VWF: variants seen among roughly 807,000 people sequenced by gnomAD.
The protein encoded by VWF is von Willebrand factor.
In VWF, 176 loss-of-function variants were observed where a neutral mutation model predicts 308.6. The observed-to-expected ratio is 0.57, with a 90% CI of 0.50 to 0.65. The LOEUF is 0.65. VWF is among the 30% of genes least tolerant of loss of function. The pLI is 0.00. For missense variants in VWF, 3,146 were observed against 3,648.2 expected (o/e 0.86, Z 3.55); for synonymous variants, 1,385 against 1,443.4 (o/e 0.96, Z 0.92).
chr12:6,076,064 G>A (rs1007213507), intron 6 of VWF, among the ~76,000 whole-genome samples: 3 of 151,968 alleles, frequency 2.0e-5, no homozygotes, highest in African/African-American at 7.2e-5. Flanking sequence ...ATGGGGATCA[G>A]CAAGATTTTT....
rs747934541 is a variant in VWF, at chr12:5,981,836, T to G, written c.7237A>C (p.Thr2413Pro). The change falls in exon 42 of 52, where the codon ACT becomes CCT. Residue 2413 changes from threonine (T) to proline (P), a missense_variant. Coordinates refer to ENST00000261405, the MANE Select transcript of VWF (RefSeq NM_000552.5). The part of the protein sequence containing the change: ...VSCPLGYLAS[T>P]ATNDCGCTTT... ...GTACAGCCACAGTCATTGGTGGCAG[T>G]TGAGGCCAAGTACCCAAGGGGACAG... 1 of 1,614,048 alleles carries G rather than the reference T, an allele frequency of 6.2e-7. No homozygotes were observed. Among genetic ancestry groups the G allele is most frequent in the Non-Finnish European group, 8.5e-7 (1 of 1,180,006 alleles).
At position 6,031,336 on chromosome 12, in the gene VWF, G is replaced by C. The variant is rs1479327056; in HGVS notation, c.2820+108C>G. 1.2e-5 allele frequency: 19 copies of C among 1,584,648 alleles called. No individual in the cohort carries two copies. The Middle Eastern group carries it at 5.1e-4, about 42-fold the overall frequency. ...CTCTGCCTCATCCTCTTTAATGGCTGTGCGTTATTCCATTCACACGAGCTC... is the reference window on the plus strand; with the variant it reads ...CTCTGCCTCATCCTCTTTAATGGCTCTGCGTTATTCCATTCACACGAGCTC... On this transcript the variant is annotated intron_variant, in intron 21 of 51. Coordinates refer to ENST00000261405, the MANE Select transcript of VWF (RefSeq NM_000552.5).
chr12:6,090,610 TCC>T (rs1945022652), intron 6 of VWF, among the ~76,000 whole-genome samples: 1 of 97,800 alleles, frequency 1.0e-5, no homozygotes, highest in Non-Finnish European at 2.0e-5. Context: ...CAACTCCTCC[TCC>T]TCCTCCTCCT....
intron 34 of VWF, among the ~76,000 whole-genome samples, chr12:5,999,503 C>CACACCA (rs1555193386): frequency 6.0e-4 from 90 of 149,408 alleles, no homozygotes; most frequent in African/African-American, 7.4e-4. Flanking sequence ...CACACACACA[C>CACACCA]CACTAAGGAA....
chr12:5,980,050 A>AG (rs1943579200), intron 42 of VWF, among the ~76,000 whole-genome samples: 1 of 149,394 alleles, frequency 6.7e-6, no homozygotes, highest in South Asian at 2.1e-4. Flanking sequence ...CAAAAAAAAA[A>AG]AAGAAGAACG....
chr12:6,098,990 C>A (rs1181716594), intron 5 of VWF, among the ~76,000 whole-genome samples: 1 of 150,680 alleles, frequency 6.6e-6, no homozygotes, highest in Non-Finnish European at 1.5e-5. Flanking sequence ...TGACAACACC[C>A]TCCATGAGAA....
At chr12:6,079,544 C>T (rs977831811) in intron 6 of VWF, among the ~76,000 whole-genome samples, 18 of 151,314 alleles carry the variant, frequency 1.2e-4, no homozygotes, top group Non-Finnish European at 2.1e-4. Flanking sequence ...CGGGAGGCAA[C>T]GCTTGCAGTG....
Position 6,120,555 on chromosome 12 carries a change from G to A in VWF, c.220+619C>T, listed in dbSNP as rs11064034. On this transcript the variant is annotated intron_variant, in intron 3 of 51. Transcript: ENST00000261405. Reference sequence around the variant, plus strand: ...TGACCTCAGGTGATCCACCCACCTTGGCCTCCCAAAGTACTGGGATTACAG... The same window carrying A: ...TGACCTCAGGTGATCCACCCACCTTAGCCTCCCAAAGTACTGGGATTACAG... Among the ~76,000 whole-genome samples, 2,742 of 152,156 alleles carry A rather than the reference G, an allele frequency of 0.018. 167 individuals are homozygous for A. In the East Asian group the frequency reaches 0.25, roughly 14 times the overall value.
At position 6,092,620 on chromosome 12, in the gene VWF, T is replaced by TGAGAGAGAGAGAGAGAGAGAGA. The variant is rs1250915385; in HGVS notation, c.657+2839_657+2840insTCTCTCTCTCTCTCTCTCTCTC. Among the ~76,000 whole-genome samples the TGAGAGAGAGAGAGAGAGAGAGA allele has an allele frequency of 6.5e-4, 58 of 89,670 alleles. 1 individual carries two copies. Among genetic ancestry groups the TGAGAGAGAGAGAGAGAGAGAGA allele is most frequent in the African/African-American group, 3.1e-3 (52 of 16,770 alleles). The allele number at this position is 89,670 out of a possible 152,430, so 58.8% of individuals were successfully genotyped here. ...CAGCTAGTTAGTGAGTGAGTGAGAG[T>TGAGAGAGAGAGAGAGAGAGAGA]GTGTGTGTGTGTGTGTGTGTGTGTG... On this transcript the variant is annotated intron_variant, in intron 6 of 51. Coordinates refer to ENST00000261405, the MANE Select transcript of VWF (RefSeq NM_000552.5).
rs142549052 is a variant in VWF, at chr12:6,060,772, G to A, written c.1533+2182C>T. On this transcript the variant is annotated intron_variant, in intron 13 of 51. Transcript: ENST00000261405. The surrounding 1 kb of genome is among the most constrained non-coding windows in gnomAD (Gnocchi z 5.1). ...AAGTTGGCTTCTCTTCTCCTCAGGG[G>A]AGAGACAAAGACCAAAGAAACCTGA... is the stretch of plus-strand genomic sequence containing the variant. Among the ~76,000 whole-genome samples, 113 of 152,238 alleles carry A rather than the reference G, an allele frequency of 7.4e-4. No individual in the cohort carries two copies. The highest frequency in any genetic ancestry group is 2.5e-3 in the African/African-American group (102 of 41,528).
At chr12:6,037,975 G>T (rs767012664) in intron 18 of VWF, among the ~76,000 whole-genome samples, 8 of 152,204 alleles carry the variant, frequency 5.3e-5, no homozygotes, top group Non-Finnish European at 8.8e-5. Context: ...AACCTCAGGA[G>T]GTGTTCCCGC....
At chr12:6,059,930 C>G (rs143709220) in intron 13 of VWF, among the ~76,000 whole-genome samples, 19 of 152,346 alleles carry the variant, frequency 1.2e-4, no homozygotes, top group African/African-American at 4.6e-4. Flanking sequence ...CACCTCCACT[C>G]CCTTCCCGCC....
chr12:6,120,964 C>G (rs1945424139), intron 3 of VWF, among the ~76,000 whole-genome samples: 1 of 152,226 alleles, frequency 6.6e-6, no homozygotes, highest in Non-Finnish European at 1.5e-5. Flanking sequence ...GATGAAGACT[C>G]TCTTCATCCA....
At chr12:5,983,112 G>A (rs763198143) in intron 41 of VWF, 38 bp downstream of exon 41, 2 of 1,597,128 alleles carry the variant, frequency 1.3e-6, no homozygotes, top group South Asian at 2.2e-5. Flanking sequence ...CCAGCAGAGA[G>A]AGGCCACACC....
intron 15 of VWF, among the ~76,000 whole-genome samples, chr12:6,054,963 G>C (rs1944559960): frequency 6.6e-6 from 1 of 152,154 alleles, no homozygotes; most frequent in South Asian, 2.1e-4. Context: ...GACAGCCCAA[G>C]GCCATCTGGT....
At chr12:6,107,752 AG>A (rs1472593099) in intron 5 of VWF, among the ~76,000 whole-genome samples, 1 of 152,020 alleles carries the variant, frequency 6.6e-6, no homozygotes, top group East Asian at 1.9e-4. Flanking sequence ...TCCGCCTCCA[AG>A]GTTCATGCCA....
chr12:6,019,261 G>A lies in VWF; in HGVS notation c.4157C>T (p.Ala1386Val). The change falls in exon 28 of 52, where the codon GCC becomes GTC. Residue 1386 changes from alanine to valine, a missense_variant. By Grantham distance (64) the Ala-to-Val change is moderately conservative. This residue lies in a region of VWF where 853 missense variants were observed against 1,177.8 expected (regional missense o/e 0.72). Transcript: ENST00000261405. The surrounding 1 kb of genome is among the most constrained non-coding windows in gnomAD (Gnocchi z 5.8). ...GGACATCCGTTGGGGCTCCTGGCTG[G>A]CCATCAGGAGCAGGGTGATGCGGGA... is the stretch of plus-strand genomic sequence containing the variant. ...EASRITLLLM[A>V]SQEPQRMSRN... 1 of 1,613,880 alleles carries A rather than the reference G, an allele frequency of 6.2e-7. No individual in the cohort carries two copies. The highest frequency in any genetic ancestry group is 8.5e-7 in the Non-Finnish European group (1 of 1,179,848).
chr12:6,004,744 T>A (rs1182829130), intron 34 of VWF, among the ~76,000 whole-genome samples: 1 of 126,954 alleles, frequency 7.9e-6, no homozygotes, highest in Non-Finnish European at 1.7e-5. Flanking sequence ...ATGTTATATA[T>A]ATTGATATCA....
At chr12:6,041,593 C>T (rs1349318406) in intron 18 of VWF, among the ~76,000 whole-genome samples, 12 of 151,680 alleles carry the variant, frequency 7.9e-5, no homozygotes, top group East Asian at 2.0e-4. Flanking sequence ...GGACTACAGG[C>T]GCCCGCCACC....
Sources: allele counts gnomAD v4.1 joint callset (sites outside exome capture counted in the v4.1 genomes callset), GRCh38; gene constraint gnomAD v4.1.1; regional missense constraint gnomAD v4.1.1; non-coding constraint Gnocchi (gnomAD v3.1); transcripts MANE v1.5; gene names NCBI Gene and HGNC (gene_info 2026-07-23, HGNC 2026-07-21).